DMD: variants seen among roughly 807,000 people sequenced by gnomAD.
DMD encodes dystrophin.
DMD carries 63 observed loss-of-function variants against 330.1 expected under a neutral mutation model. That is an observed-to-expected ratio of 0.19 (90% CI 0.16 to 0.24). The LOEUF (loss-of-function observed/expected upper bound fraction) is 0.24, where lower values mean the gene tolerates loss of function less well. DMD is among the 10% of genes least tolerant of loss of function. DMD has a pLI of 1.00. For missense variants in DMD, 3,344 were observed against 2,684.1 expected (o/e 1.25, Z -5.43); for synonymous variants, 1,223 against 959.8 (o/e 1.27, Z -5.07).
intron 2 of DMD, among the ~76,000 whole-genome samples, chrX:32,912,179 G>T (rs1383606435): frequency 9.0e-6 from 1 of 111,006 alleles, no homozygotes. Flanking sequence ...TGCAGCTATA[G>T]TGGGCCTATC....
chrX:31,905,534 C>T (rs996876514), intron 47 of DMD, among the ~76,000 whole-genome samples: 1 of 110,052 alleles, frequency 9.1e-6, no homozygotes, highest in Non-Finnish European at 1.9e-5. Flanking sequence ...ACCTTGCTCA[C>T]TTCAACCAAT....
chrX:33,054,931 T>C (rs1017550982), intron 1 of DMD, among the ~76,000 whole-genome samples: 1 of 111,888 alleles, frequency 8.9e-6, no homozygotes, highest in Non-Finnish European at 1.9e-5. Flanking sequence ...ATTAACTATG[T>C]GACATACATG....
intron 44 of DMD, among the ~76,000 whole-genome samples, chrX:32,168,804 A>G (rs2096877578): frequency 1.8e-5 from 2 of 111,428 alleles, no homozygotes; most frequent in Admixed American, 1.9e-4. Context: ...TGCCAGTACC[A>G]CTTACACAGG....
chrX:31,337,400 T>C (rs1465896493), intron 61 of DMD, among the ~76,000 whole-genome samples: 2 of 111,915 alleles, frequency 1.8e-5, no homozygotes, highest in Non-Finnish European at 3.8e-5. Flanking sequence ...TCTAGAATGG[T>C]TTTTAAACCA....
chrX:33,009,720 GTGTGTATATGTGTATATACACACATA>G (rs1279424431), intron 2 of DMD, among the ~76,000 whole-genome samples: 25 of 53,258 alleles, frequency 4.7e-4, no homozygotes, highest in Non-Finnish European at 7.9e-4. Flanking sequence ...ATGTGTATAT[GTGTGTATATGTGTATATACACACATA>G]TGTGTATATG....
intron 1 of DMD, among the ~76,000 whole-genome samples, chrX:33,129,325 CTTTTTTTTTT>C (rs58505662): frequency 7.2e-4 from 22 of 30,720 alleles, no homozygotes; most frequent in African/African-American, 2.4e-3. Flanking sequence ...TTAAGGTTTG[CTTTTTTTTTT>C]TTTTTTTTTT....
intron 43 of DMD, among the ~76,000 whole-genome samples, chrX:32,249,228 C>T (rs951675023): frequency 1.8e-5 from 2 of 111,758 alleles, no homozygotes; most frequent in Non-Finnish European, 3.8e-5. Context: ...GTTTTGTTTT[C>T]ATCAATTTTA....
chrX:32,800,232 A>T (rs1315687338), intron 7 of DMD, among the ~76,000 whole-genome samples: 2 of 112,162 alleles, frequency 1.8e-5, no homozygotes, highest in African/African-American at 6.5e-5. Flanking sequence ...TTAAATAAAA[A>T]TATGAACATC....
At chrX:32,497,064 T>C (rs991029661) in intron 19 of DMD, among the ~76,000 whole-genome samples, 1 of 111,853 alleles carries the variant, frequency 8.9e-6, no homozygotes, top group African/African-American at 3.2e-5. Context: ...ATGAGAGTTT[T>C]AGCTTTGAGA....
intron 9 of DMD, among the ~76,000 whole-genome samples, chrX:32,677,901 A>G (rs2062083148): frequency 8.9e-6 from 1 of 112,141 alleles, no homozygotes; most frequent in Non-Finnish European, 1.9e-5. Context: ...GTAAATACAT[A>G]CAATGGAATT....
At chrX:31,293,018 CTA>C (rs967238394) in intron 62 of DMD, among the ~76,000 whole-genome samples, 2 of 110,611 alleles carry the variant, frequency 1.8e-5, no homozygotes, top group Non-Finnish European at 3.8e-5. Flanking sequence ...TGGTTATATT[CTA>C]TGTTTCTCCT....
At chrX:32,777,803 A>G (rs769124901) in intron 7 of DMD, among the ~76,000 whole-genome samples, 122 of 112,707 alleles carry the variant, frequency 1.1e-3, no homozygotes, top group African/African-American at 3.8e-3. Flanking sequence ...GGATGGCAAC[A>G]GTTACTGTGT....
intron 44 of DMD, among the ~76,000 whole-genome samples, chrX:32,045,341 G>GTTTTT (rs768612902): frequency 3.1e-5 from 3 of 97,363 alleles, no homozygotes; most frequent in Non-Finnish European, 4.0e-5. Context: ...TGAGCGATCT[G>GTTTTT]TTTTGTTTTT....
rs140711857 is a variant in DMD at position 32,094,257 on chromosome X, T to C, written c.6438+122659A>G. ...TACTTTAATAGTTTTTAGAACAACT[T>C]ATACATAGTTCTTGAAATGGCAATA... On this transcript the variant is annotated intron_variant, in intron 44 of 78. Coordinates refer to ENST00000357033, the MANE Select transcript of DMD (RefSeq NM_004006.3). Among the ~76,000 whole-genome samples, 1,085 of 112,121 alleles carry C rather than the reference T, an allele frequency of 9.7e-3. 9 individuals are homozygous for C. The highest frequency in any genetic ancestry group is 0.033 in the African/African-American group (1,011 of 30,945).
intron 16 of DMD, among the ~76,000 whole-genome samples, chrX:32,561,276 C>T (rs1282550440): frequency 9.0e-6 from 1 of 110,880 alleles, no homozygotes; most frequent in African/African-American, 3.3e-5. Context: ...GTAACAGGAG[C>T]GGATAACCAG....
At position 33,203,550 on chromosome X, in the gene DMD, A is replaced by G. The variant is rs146916193; in HGVS notation, c.31+7732T>C. On this transcript the variant is annotated intron_variant, in intron 1 of 78. Transcript: ENST00000357033. ...GTGGAAACCAAGACACCTAATGCTAAAAGTGGGATCCTCATTCATGAAGTC... is the reference window on the plus strand; with the variant it reads ...GTGGAAACCAAGACACCTAATGCTAGAAGTGGGATCCTCATTCATGAAGTC... Among the ~76,000 whole-genome samples, 3 of 111,573 alleles carry G rather than the reference A, an allele frequency of 2.7e-5. No homozygotes were observed. In the East Asian group the frequency reaches 8.5e-4, roughly 32 times the overall value.
At position 31,137,200 on chromosome X, in the gene DMD, T is replaced by C. The variant is rs376566500; in HGVS notation, c.10922-3006A>G. 4.5e-5 allele frequency among the ~76,000 whole-genome samples: 5 copies of C among 111,043 alleles called. No homozygotes were observed. In the East Asian group the frequency reaches 1.4e-3, roughly 32 times the overall value. ...CGCCTGGCTAATTTTTTATATTTTT[T>C]AGTAGAGACAGGGTTTCACCGTGTT... is the stretch of plus-strand genomic sequence containing the variant. On this transcript the variant is annotated intron_variant, in intron 76 of 78. Transcript: ENST00000357033.
At chrX:31,711,442 T>C (rs969193037) in intron 52 of DMD, among the ~76,000 whole-genome samples, 1 of 111,855 alleles carries the variant, frequency 8.9e-6, no homozygotes, top group African/African-American at 3.2e-5. Context: ...ACCTTCCCAG[T>C]ATGCTCTACA....
chrX:32,943,282 A>G (rs1242943172), intron 2 of DMD, among the ~76,000 whole-genome samples: 1 of 111,805 alleles, frequency 8.9e-6, no homozygotes, highest in Non-Finnish European at 1.9e-5. Context: ...ATTTATATTC[A>G]TTAATAAGCA....
Sources: gnomAD v4.1 joint callset for allele counts (sites outside exome capture counted in the v4.1 genomes callset) on GRCh38, gnomAD v4.1.1 for gene constraint, MANE v1.5 for transcripts, NCBI Gene and HGNC (gene_info 2026-07-23, HGNC 2026-07-21) for gene names.